PDPR: variants seen among roughly 807,000 people sequenced by gnomAD.
PDPR encodes pyruvate dehydrogenase phosphatase regulatory subunit.
A neutral mutation model predicts 102.2 loss-of-function variants in PDPR; 50 were observed. That is an observed-to-expected ratio of 0.49 (90% CI 0.39 to 0.62). The LOEUF is 0.62. PDPR is among the 20% of genes least tolerant of loss of function. PDPR has a pLI of 0.00. For missense variants in PDPR, 625 were observed against 1,098.2 expected (o/e 0.57, Z 6.09); for synonymous variants, 259 against 406.0 (o/e 0.64, Z 4.35).
chr16:70,138,207 A>ATTTTTTTTTTTTTTTTTT (rs1201065640), intron 10 of PDPR, among the ~76,000 whole-genome samples: 29 of 94,040 alleles, frequency 3.1e-4, no homozygotes, highest in Non-Finnish European at 4.9e-4. Flanking sequence ...ACGCCGGCTA[A>ATTTTTTTTTTTTTTTTTT]TTTTTTTTTT....
At chr16:70,120,931 CTTTTTTTTTTTTTTTTT>C (rs71385643) in intron 3 of PDPR, among the ~76,000 whole-genome samples, 1 of 103,052 alleles carries the variant, frequency 9.7e-6, no homozygotes, top group African/African-American at 3.9e-5. Flanking sequence ...TTTCGTTTTC[CTTTTTTTTTTTTTTTTT>C]TTTTTTTTTG....
In PDPR at chr16:70,136,249, C is replaced by G. The variant is rs1328044284; in HGVS notation, c.1053C>G (p.Ile351Met). ...TGCCAGAATTAGAGACTCTGGAGAT[C>G]ATGAAGTTGGTGAACTGCCCAGAGA... ...RRMPELETLE[I>M]MKLVNCPETF... The change falls in exon 10 of 19, where the codon ATC becomes ATG. Residue 351 changes from isoleucine (I) to methionine (M), a missense_variant. Ile to Met is a conservative substitution (Grantham distance 10, BLOSUM62 1). Around this residue, in one of 11 missense-constraint regions of PDPR, gnomAD observed 50 missense variants for 79.9 expected, o/e 0.63. Coordinates refer to ENST00000288050, the MANE Select transcript of PDPR (RefSeq NM_017990.5). 3 of 1,612,388 alleles carry G rather than the reference C, an allele frequency of 1.9e-6. No homozygotes were observed. The highest frequency in any genetic ancestry group is 2.5e-6 in the Non-Finnish European group (3 of 1,178,948).
intron 3 of PDPR, among the ~76,000 whole-genome samples, chr16:70,124,997 C>T (rs1431446365): frequency 6.6e-5 from 10 of 152,236 alleles, no homozygotes; most frequent in African/African-American, 2.4e-4. Context: ...TATTCTGTTG[C>T]TACCACAAAT....
chr16:70,128,393 A>G (rs1293041974), intron 4 of PDPR, among the ~76,000 whole-genome samples: 1 of 152,212 alleles, frequency 6.6e-6, no homozygotes, highest in Non-Finnish European at 1.5e-5. Context: ...ACACCTGGCT[A>G]ATTTTTATAT....
intron 9 of PDPR, among the ~76,000 whole-genome samples, chr16:70,133,111 C>CTTT (rs140652740): frequency 0.17 from 15,968 of 96,602 alleles, 894 homozygotes; most frequent in Non-Finnish European, 0.21. Flanking sequence ...TACCCAGCTG[C>CTTT]TTTTTTTTTT....
intron 17 of PDPR, among the ~76,000 whole-genome samples, chr16:70,150,530 A>ATTTTTTTTTT (rs1966646752): frequency 1.5e-5 from 1 of 65,514 alleles, no homozygotes; most frequent in African/African-American, 5.6e-5. Context: ...GTTTTCTCTT[A>ATTTTTTTTTT]ATTTTTTTTT....
At chr16:70,147,666 A>G (rs920228978) in intron 16 of PDPR, 44 of 452,686 alleles carry the variant, frequency 9.7e-5, no homozygotes, top group Admixed American at 9.6e-4. Context: ...GTAACGAGCA[A>G]CTTCCAGGTG....
chr16:70,137,212 C>T (rs548014301), intron 10 of PDPR, among the ~76,000 whole-genome samples: 102 of 152,236 alleles, frequency 6.7e-4, no homozygotes, highest in Non-Finnish European at 9.6e-4. Context: ...CAAAATTAGC[C>T]GGGCGTTGTG....
Position 70,146,093 on chromosome 16 carries a change from T to A in PDPR, c.1868-41T>A, listed in dbSNP as rs776202489. Reference sequence around the variant, plus strand: ...AGACCTTTCCCATTGGCTCAGCTGTTCAGAAGGAGAGCTGGACATCTCTTG... The same window carrying A: ...AGACCTTTCCCATTGGCTCAGCTGTACAGAAGGAGAGCTGGACATCTCTTG... On this transcript the variant is annotated intron_variant, in intron 15 of 18. Coordinates refer to ENST00000288050, the MANE Select transcript of PDPR (RefSeq NM_017990.5). The A allele has an allele frequency of 3.1e-6, 5 of 1,606,374 alleles. No homozygotes were observed. The African/African-American group carries it at 6.7e-5, about 22-fold the overall frequency.
chr16:70,126,896 G>C (rs1275403419), intron 3 of PDPR, among the ~76,000 whole-genome samples: 3 of 152,226 alleles, frequency 2.0e-5, no homozygotes, highest in Non-Finnish European at 4.4e-5. Context: ...CCAAGCTGGA[G>C]TGCAGAGATG....
At chr16:70,128,497 C>T (rs1415594792) in intron 4 of PDPR, among the ~76,000 whole-genome samples, 1 of 152,226 alleles carries the variant, frequency 6.6e-6, no homozygotes, top group Non-Finnish European at 1.5e-5. Flanking sequence ...CAAAGTGCTG[C>T]GATTACAAGC....
chr16:70,153,664 A>G, intron 18 of PDPR, 91 bp downstream of exon 18: 3 of 1,348,960 alleles, frequency 2.2e-6, no homozygotes, highest in African/African-American at 1.5e-5. Context: ...TGACAGGAAA[A>G]GGGGGAAAAG....
chr16:70,128,621 A>G (rs1240908950), intron 4 of PDPR, among the ~76,000 whole-genome samples, 163 bp from the exon 5 acceptor site: 1 of 152,268 alleles, frequency 6.6e-6, no homozygotes, highest in Admixed American at 6.5e-5. Flanking sequence ...AGTTCTTAAA[A>G]TTTTGCATAG....
intron 2 of PDPR, among the ~76,000 whole-genome samples, chr16:70,115,419 G>T (rs1056637416): frequency 3.9e-5 from 6 of 152,212 alleles, no homozygotes; most frequent in Non-Finnish European, 7.3e-5. Context: ...ACTGCGCTCG[G>T]CCAACTTGTG....
chr16:70,130,635 T>A, intron 7 of PDPR, 91 bp downstream of exon 7: 1 of 1,506,780 alleles, frequency 6.6e-7, no homozygotes, highest in East Asian at 2.3e-5. Context: ...TGTGATTGGT[T>A]ATACAGATAT....
At position 70,142,290 on chromosome 16, in the gene PDPR, C is replaced by G; in HGVS notation, c.1372C>G (p.Arg458Gly). 2 of 1,614,004 alleles carry G rather than the reference C, an allele frequency of 1.2e-6. No homozygotes were observed. Among genetic ancestry groups the G allele is most frequent in the Non-Finnish European group, 1.7e-6 (2 of 1,179,840 alleles). Reference sequence around the variant, plus strand: ...GGACTTCCAGACCGGTAGGCAGTTACGCACCTCTCCTCTCTACGACCGGCT... The same window carrying G: ...GGACTTCCAGACCGGTAGGCAGTTAGGCACCTCTCCTCTCTACGACCGGCT... ...RWDFQTGRQL[R>G]TSPLYDRLDA... Residue 458 changes from arginine (R) to glycine (G), a missense_variant, in exon 12 of 19, where the codon CGC becomes GGC. By Grantham distance (125) the Arg-to-Gly change is moderately radical (BLOSUM62 -2). Transcript: ENST00000288050.
intron 3 of PDPR, 90 bp downstream of exon 3, chr16:70,120,809 C>G: frequency 1.2e-6 from 1 of 850,144 alleles, no homozygotes; most frequent in Non-Finnish European, 1.9e-6. Context: ...CCACCAGTAG[C>G]TAATCTAAAT....
chr16:70,163,250 A>T (rs1241551851), downstream of PDPR, among the ~76,000 whole-genome samples: 1 of 151,876 alleles, frequency 6.6e-6, no homozygotes, highest in Non-Finnish European at 1.5e-5. Context: ...GCCTGGCCCA[A>T]AGTAATTTTT....
At chr16:70,150,780 G>A (rs904856928) in intron 17 of PDPR, among the ~76,000 whole-genome samples, 9 of 152,320 alleles carry the variant, frequency 5.9e-5, no homozygotes, top group African/African-American at 2.2e-4. Flanking sequence ...CCAAAGTATT[G>A]GGATTACATG....
Sources: allele counts gnomAD v4.1 joint callset (sites outside exome capture counted in the v4.1 genomes callset), GRCh38; gene constraint gnomAD v4.1.1; regional missense constraint gnomAD v4.1.1; transcripts MANE v1.5; gene names NCBI Gene and HGNC (gene_info 2026-07-23, HGNC 2026-07-21).